ANO10: variants seen among roughly 807,000 people sequenced by gnomAD.
The protein encoded by ANO10 is anoctamin 10, also known as anoctamin-10.
A neutral mutation model predicts 74.7 loss-of-function variants in ANO10; 77 were observed. That is an observed-to-expected ratio of 1.03 (90% confidence interval 0.86 to 1.25). The LOEUF is 1.25. Ranked by LOEUF, ANO10 falls within the 50% of genes most tolerant of loss-of-function variation. The pLI is 0.00. For synonymous variants in ANO10, 279 were observed against 284.9 expected (o/e 0.98, Z 0.21); for missense variants, 721 against 778.1 (o/e 0.93, Z 0.87).
intron 11 of ANO10, among the ~76,000 whole-genome samples, chr3:43,524,091 GA>G (rs1278984328): frequency 3.3e-5 from 5 of 152,328 alleles, no homozygotes; most frequent in South Asian, 4.1e-4. Flanking sequence ...GAGATGAGCA[GA>G]TGAGTTTAAC....
intron 12 of ANO10, among the ~76,000 whole-genome samples, chr3:43,376,099 G>C (rs2091796970): frequency 1.3e-5 from 2 of 152,190 alleles, no homozygotes; most frequent in Admixed American, 6.5e-5. Flanking sequence ...AGCTGCTGAA[G>C]AGCACCTCCA....
intron 1 of ANO10, among the ~76,000 whole-genome samples, chr3:43,639,719 T>C (rs1480093767): frequency 1.3e-4 from 20 of 148,682 alleles, no homozygotes; most frequent in Admixed American, 1.1e-3. Flanking sequence ...GAGGTTGCAG[T>C]GAGCTGAGAT....
chr3:43,548,338 T>C (rs1233081202), intron 11 of ANO10, among the ~76,000 whole-genome samples: 1 of 152,200 alleles, frequency 6.6e-6, no homozygotes, highest in Non-Finnish European at 1.5e-5. Flanking sequence ...TCTGTCTTGT[T>C]TTCTCACTTC....
rs1177110776 is a variant in ANO10, at chr3:43,633,535, A to T, written c.-11-27672T>A. ...TACATTCCTAGAATAAAGCCATTGA[A>T]GTAATAGAATTCCTCTATGAAATTA... On this transcript the variant is annotated intron_variant, in intron 1 of 3. Coordinates refer to the ANO10 transcript ENST00000413397. Among the ~76,000 whole-genome samples, 5 of 152,202 alleles carry T rather than the reference A, an allele frequency of 3.3e-5. No individual in the cohort carries two copies. The South Asian group carries it at 1.0e-3, about 32-fold the overall frequency.
At chr3:43,519,195 C>T (rs1481999357) in intron 11 of ANO10, among the ~76,000 whole-genome samples, 2 of 152,094 alleles carry the variant, frequency 1.3e-5, no homozygotes, top group Non-Finnish European at 2.9e-5. Context: ...CCCCAGTAGG[C>T]AAGATCCCTC....
rs1413877728 is a variant in ANO10, at chr3:43,670,325, T to TAAATAAAG, written c.-12+21191_-12+21192insCTTTATTT. Among the ~76,000 whole-genome samples, 32 of 4,092 alleles carry TAAATAAAG rather than the reference T, an allele frequency of 7.8e-3. 2 individuals are homozygous for TAAATAAAG. The highest frequency in any genetic ancestry group is 0.024 in the African/African-American group (32 of 1,312). The allele number at this position is 4,092 out of a possible 152,430, so 2.7% of individuals were successfully genotyped here. ...TGGGTGACAGAGCAAGACCCTTTCTTAAATAAATAAATAAATAAATAAATA... is the reference window on the plus strand; with the variant it reads ...TGGGTGACAGAGCAAGACCCTTTCTTAAATAAAGAAATAAATAAATAAATAAATAAATA... On this transcript the variant is annotated intron_variant, in intron 1 of 3. Transcript: ENST00000413397.
At chr3:43,674,649 G>C (rs2084099433) in intron 1 of ANO10, among the ~76,000 whole-genome samples, 1 of 152,162 alleles carries the variant, frequency 6.6e-6, no homozygotes, top group African/African-American at 2.4e-5. Context: ...TTAATGTTCA[G>C]GAGTGCTCTT....
chr3:43,571,105 C>T (rs2080686454), intron 7 of ANO10, among the ~76,000 whole-genome samples: 1 of 151,232 alleles, frequency 6.6e-6, no homozygotes, highest in Non-Finnish European at 1.5e-5. Context: ...CACTGGCCAT[C>T]AGAGAAATGC....
intron 1 of ANO10, among the ~76,000 whole-genome samples, chr3:43,673,510 A>G (rs2084085268): frequency 6.6e-6 from 1 of 152,200 alleles, no homozygotes; most frequent in Non-Finnish European, 1.5e-5. Flanking sequence ...TGGAAACTCT[A>G]ATACAGAAAG....
chr3:43,367,711 T>C (rs1032905565), intron 12 of ANO10, among the ~76,000 whole-genome samples: 14 of 152,144 alleles, frequency 9.2e-5, no homozygotes, highest in African/African-American at 3.4e-4. Context: ...TACCTTCCCC[T>C]ACCCCAGCCC....
intron 11 of ANO10, among the ~76,000 whole-genome samples, chr3:43,506,653 T>A (rs2149166736): frequency 6.6e-6 from 1 of 152,284 alleles, no homozygotes; most frequent in East Asian, 1.9e-4. Context: ...TGTTCCTTAA[T>A]AGCCCAGGCC....
intron 11 of ANO10, among the ~76,000 whole-genome samples, chr3:43,450,550 A>G (rs1461171348): frequency 1.3e-5 from 2 of 152,226 alleles, no homozygotes; most frequent in Non-Finnish European, 2.9e-5. Context: ...TCAAAAAAAG[A>G]AAAATTACAT....
intron 9 of ANO10, among the ~76,000 whole-genome samples, chr3:43,560,663 T>C (rs1221400182): frequency 1.3e-5 from 2 of 152,242 alleles, no homozygotes. Context: ...TTTTATGAGC[T>C]AGACCTTTCA....
At chr3:43,425,630 G>T (rs1215483977) in intron 12 of ANO10, among the ~76,000 whole-genome samples, 2 of 151,934 alleles carry the variant, frequency 1.3e-5, no homozygotes, top group Non-Finnish European at 2.9e-5. Context: ...ACTACCACCA[G>T]CATTAACATT....
intron 11 of ANO10, among the ~76,000 whole-genome samples, chr3:43,435,117 C>T (rs1288572682): frequency 1.3e-5 from 2 of 152,242 alleles, no homozygotes; most frequent in Non-Finnish European, 2.9e-5. Context: ...AAACTCACCT[C>T]GTCCTGATTG....
intron 1 of ANO10, among the ~76,000 whole-genome samples, chr3:43,680,689 C>G (rs1021768513): frequency 8.5e-5 from 13 of 152,150 alleles, no homozygotes; most frequent in Admixed American, 8.5e-4. Flanking sequence ...AGAGAAAGGT[C>G]GGGTTACCCA....
intron 1 of ANO10, among the ~76,000 whole-genome samples, chr3:43,607,257 T>C (rs761692577): frequency 6.6e-6 from 1 of 151,810 alleles, no homozygotes; most frequent in Non-Finnish European, 1.5e-5. Context: ...ATCCCAGCTA[T>C]TTTGGAGACT....
intron 1 of ANO10, among the ~76,000 whole-genome samples, chr3:43,688,521 G>C (rs1284517108): frequency 2.0e-5 from 3 of 152,202 alleles, no homozygotes; most frequent in Non-Finnish European, 4.4e-5. Flanking sequence ...TTGTATAAGA[G>C]CATGTGACAG....
intron 12 of ANO10, among the ~76,000 whole-genome samples, chr3:43,392,022 T>A (rs945021975): frequency 6.6e-6 from 1 of 152,186 alleles, no homozygotes; most frequent in Admixed American, 6.5e-5. Flanking sequence ...TAAGTAAAAC[T>A]ACACCTGATT....
Sources: allele counts gnomAD v4.1 joint callset (sites outside exome capture counted in the v4.1 genomes callset), GRCh38; gene constraint gnomAD v4.1.1; transcripts MANE v1.5; gene names NCBI Gene and HGNC (gene_info 2026-07-23, HGNC 2026-07-21).